The following DZANK1 variants were observed in gnomAD, a reference collection of about 807,000 sequenced individuals.
DZANK1 encodes the protein double zinc ribbon and ankyrin repeat-containing protein 1.
DZANK1 carries 91 observed loss-of-function variants against 94.5 expected under a neutral mutation model. The ratio of observed to expected loss-of-function variants is 0.96; its 90% CI spans 0.81 to 1.15. The LOEUF (loss-of-function observed/expected upper bound fraction) is 1.15. Ranked by LOEUF, DZANK1 falls within the 50% of genes most tolerant of loss-of-function variation. The pLI, the probability that DZANK1 is intolerant of heterozygous loss-of-function variation, is 0.00. For synonymous variants in DZANK1, 312 were observed against 325.3 expected (o/e 0.96, Z 0.44); for missense variants, 903 against 916.4 (o/e 0.99, Z 0.19).
At chr20:18,411,572 T>C (rs980911956) in intron 13 of DZANK1, among the ~76,000 whole-genome samples, 1 of 152,112 alleles carries the variant, frequency 6.6e-6, no homozygotes, top group Non-Finnish European at 1.5e-5. Flanking sequence ...CAATTCTTCA[T>C]AACCACTTCA....
chr20:18,437,302 GGTGCGATGGCTCACACTT>G (rs1797466031), intron 8 of DZANK1, among the ~76,000 whole-genome samples: 1 of 152,234 alleles, frequency 6.6e-6, no homozygotes, highest in African/African-American at 2.4e-5. Context: ...AAAGGGGCCG[GGTGCGATGGCTCACACTT>G]GTAATTCCAG....
At chr20:18,391,625 G>C (rs555340117) in intron 17 of DZANK1, among the ~76,000 whole-genome samples, 14 of 152,224 alleles carry the variant, frequency 9.2e-5, no homozygotes, top group Non-Finnish European at 1.8e-4. Flanking sequence ...AAGCTGTTTA[G>C]AAAGCAAGAG....
At chr20:18,443,464 C>T in exon 8 of DZANK1, 1 of 1,443,374 alleles carries the variant, frequency 6.9e-7, no homozygotes. Flanking sequence ...AGTGGGCACA[C>T]CTACAACAAA....
chr20:18,415,398 T>A, exon 11 of DZANK1: 2 of 1,591,866 alleles, frequency 1.3e-6, no homozygotes, highest in Non-Finnish European at 1.7e-6. Context: ...CAGGAAATGG[T>A]CCCCCCTTTC....
chr20:18,400,438 G>C (rs2056609199), intron 13 of DZANK1, among the ~76,000 whole-genome samples: 1 of 152,224 alleles, frequency 6.6e-6, no homozygotes, highest in Non-Finnish European at 1.5e-5. Flanking sequence ...AGCCCAAGTA[G>C]TGTCAACTCC....
exon 11 of DZANK1, chr20:18,415,386 A>C: frequency 1.9e-6 from 3 of 1,596,242 alleles, no homozygotes; most frequent in Non-Finnish European, 2.6e-6. Context: ...CCACATCTGT[A>C]GCAGGAAATG....
In DZANK1 at chr20:18,452,651, T is replaced by TC. The variant is rs765340902; in HGVS notation, c.506dup (p.Gly170ArgfsTer5). The TC allele has an allele frequency of 1.0e-5, 16 of 1,603,908 alleles. No individual in the cohort carries two copies. The highest frequency in any genetic ancestry group is 1.3e-5 in the Non-Finnish European group (15 of 1,174,872). ...GGGTGGGTGGTCTAGAACCTGATCC[T>TC]CCACCATAAGCTGGGATTTCCAATG... On this transcript the variant is annotated frameshift_variant, in exon 6 of 21. Coordinates refer to ENST00000262547, the Ensembl canonical transcript of DZANK1. LOFTEE classifies it high-confidence loss of function.
At chr20:18,462,344 GA>G (rs2148821532) in intron 2 of DZANK1, among the ~76,000 whole-genome samples, 1 of 152,214 alleles carries the variant, frequency 6.6e-6, no homozygotes, top group East Asian at 1.9e-4. Flanking sequence ...GTGAAGCAGG[GA>G]TAAGTTCTGC....
chr20:18,434,545 CAAAAAAAAAAAAA>C (rs55680576), intron 8 of DZANK1, among the ~76,000 whole-genome samples: 3 of 47,560 alleles, frequency 6.3e-5, no homozygotes, highest in Non-Finnish European at 8.2e-5. Context: ...GACTCCTGCT[CAAAAAAAAAAAAA>C]AAAAAAAAAG....
chr20:18,460,612 C>T (rs189638039), intron 2 of DZANK1, among the ~76,000 whole-genome samples: 4 of 152,178 alleles, frequency 2.6e-5, no homozygotes, highest in African/African-American at 9.6e-5. Context: ...GCCTGTAGTC[C>T]CAGCTACTCA....
chr20:18,400,155 G>A (rs1202953460), intron 13 of DZANK1, among the ~76,000 whole-genome samples: 1 of 152,194 alleles, frequency 6.6e-6, no homozygotes, highest in Non-Finnish European at 1.5e-5. Flanking sequence ...TCTTACTTGG[G>A]TTCCCCTGAA....
At chr20:18,411,210 T>C (rs768109474) in intron 13 of DZANK1, among the ~76,000 whole-genome samples, 4 of 152,046 alleles carry the variant, frequency 2.6e-5, no homozygotes, top group Non-Finnish European at 5.9e-5. Context: ...AAACCAAAAG[T>C]TGGTTCTTGG....
chr20:18,443,540 G>A (rs1042492959), intron 7 of DZANK1, 76 bp from the exon 8 acceptor site: 20 of 835,226 alleles, frequency 2.4e-5, no homozygotes, highest in South Asian at 1.0e-4. Context: ...ATCTAAAAGC[G>A]GTCAAACAGT....
chr20:18,394,992 G>A (rs1241571591), intron 15 of DZANK1: 5 of 407,770 alleles, frequency 1.2e-5, no homozygotes, highest in African/African-American at 2.0e-5. Context: ...GCACCCTCAC[G>A]TGGCTGCCTG....
At position 18,384,417 on chromosome 20, in the gene DZANK1, G is replaced by A. The variant is rs746917579; in HGVS notation, c.2241C>T (p.Leu747=). 4 of 1,611,288 alleles carry A rather than the reference G, an allele frequency of 2.5e-6. No individual in the cohort carries two copies. The African/African-American group carries it at 4.0e-5, about 16-fold the overall frequency. ...CTCAGGGCTAACAGTCATCCAGGCT[G>A]AGGCTCCTAGTTTGAGCGAGTTGGT... The change falls in exon 21 of 21, where the codon CTC becomes CTT. Residue 747 remains leucine, a synonymous_variant. Transcript: ENST00000262547.
chr20:18,399,895 C>T (rs1190692807), intron 13 of DZANK1, among the ~76,000 whole-genome samples: 1 of 152,176 alleles, frequency 6.6e-6, no homozygotes, highest in Non-Finnish European at 1.5e-5. Flanking sequence ...TTGGATCCCA[C>T]CAACAAATGA....
exon 10 of DZANK1, chr20:18,427,114 G>C (rs6081136): frequency 6.2e-7 from 1 of 1,612,904 alleles, no homozygotes; most frequent in African/African-American, 1.3e-5. Flanking sequence ...CAGTATCTCA[G>C]GTGAGCAGGA....
intron 9 of DZANK1, among the ~76,000 whole-genome samples, chr20:18,431,963 C>T (rs557903080): frequency 6.6e-6 from 1 of 152,302 alleles, no homozygotes; most frequent in South Asian, 2.1e-4. Context: ...CCTATTATAA[C>T]TTATTATGTC....
chr20:18,403,987 A>G (rs1192164447), intron 13 of DZANK1, among the ~76,000 whole-genome samples: 1 of 151,774 alleles, frequency 6.6e-6, no homozygotes, highest in Non-Finnish European at 1.5e-5. Flanking sequence ...TTTAGTAGAG[A>G]TGGGGTTTTG....
Sources: gnomAD v4.1 joint callset for allele counts (sites outside exome capture counted in the v4.1 genomes callset) on GRCh38, gnomAD v4.1.1 for gene constraint, MANE v1.5 for transcripts, NCBI Gene and HGNC (gene_info 2026-07-23, HGNC 2026-07-21) for gene names.